KDM4C: variants seen among roughly 807,000 people sequenced by gnomAD.
KDM4C encodes the protein lysine-specific demethylase 4C.
Under a neutral mutation model 129.3 loss-of-function variants are expected in KDM4C, and 81 were observed. The observed-to-expected ratio is 0.63, with a 90% CI of 0.52 to 0.75. KDM4C has a LOEUF of 0.75. KDM4C is among the 30% of genes least tolerant of loss of function. The probability of loss-of-function intolerance (pLI) is 0.00; values close to 1 mark genes in which losing one functional copy is unlikely to be tolerated. For synonymous variants in KDM4C, 573 were observed against 456.1 expected, an observed-to-expected ratio of 1.26 and a Z score of -3.26; for missense variants, 1,457 against 1,304.0, an observed-to-expected ratio of 1.12 and a Z score of -1.81.
chr9:7,063,071 A>T (rs756219865), intron 17 of KDM4C, among the ~76,000 whole-genome samples: 2 of 152,206 alleles, frequency 1.3e-5, no homozygotes, highest in Non-Finnish European at 2.9e-5. Context: ...TATGGATATA[A>T]ATAATTATGG....
intron 12 of KDM4C, among the ~76,000 whole-genome samples, chr9:7,001,530 C>A (rs1320766395): frequency 2.0e-5 from 3 of 152,134 alleles, no homozygotes; most frequent in Admixed American, 1.3e-4. Context: ...AGATGTATAG[C>A]CTTGTTCTCT....
chr9:7,001,993 A>G (rs918436206), intron 12 of KDM4C, among the ~76,000 whole-genome samples: 1 of 152,166 alleles, frequency 6.6e-6, no homozygotes, highest in Non-Finnish European at 1.5e-5. Flanking sequence ...CCTGGGTTCA[A>G]GTGATTCTCC....
intron 8 of KDM4C, among the ~76,000 whole-genome samples, chr9:6,967,741 C>T (rs1831252900): frequency 6.6e-6 from 1 of 152,150 alleles, no homozygotes; most frequent in Admixed American, 6.5e-5. Flanking sequence ...GCCCTATTAT[C>T]CTCGAGTTCA....
intron 5 of KDM4C, among the ~76,000 whole-genome samples, chr9:6,874,693 G>T (rs940480833): frequency 1.3e-5 from 2 of 152,150 alleles, no homozygotes; most frequent in African/African-American, 4.8e-5. Flanking sequence ...AGCACATGTT[G>T]TCTGTCACAG....
intron 8 of KDM4C, among the ~76,000 whole-genome samples, chr9:6,949,077 C>A (rs1482792324): frequency 6.6e-6 from 1 of 151,712 alleles, no homozygotes. Flanking sequence ...AGGCGCCCCC[C>A]ATCTCCCGGA....
Position 7,012,003 on chromosome 9 carries a change from G to C in KDM4C, c.1968+124G>C. On this transcript the variant is annotated intron_variant, in intron 13 of 21. Coordinates refer to ENST00000381309, the MANE Select transcript of KDM4C (RefSeq NM_015061.6). ...ATAAGAAGGAAGACGTCCTTAGGTA[G>C]CTGATGGCTTTCATAGAACCACAAA... 9.9e-6 allele frequency: 7 copies of C among 707,602 alleles called. No homozygotes were observed. In the South Asian group the frequency reaches 1.4e-4, roughly 14 times the overall value. 43.8% of individuals were successfully genotyped at this position (707,602 alleles called of 1,614,324 possible).
chr9:7,039,517 A>T (rs1828203185), intron 15 of KDM4C, among the ~76,000 whole-genome samples: 1 of 152,068 alleles, frequency 6.6e-6, no homozygotes, highest in South Asian at 2.1e-4. Flanking sequence ...TGGAAGTCAG[A>T]GGTGCTGACC....
chr9:7,110,873 A>G (rs1026294730), intron 18 of KDM4C, among the ~76,000 whole-genome samples: 1 of 152,188 alleles, frequency 6.6e-6, no homozygotes, highest in African/African-American at 2.4e-5. Context: ...TATGGCAACT[A>G]TACTGCTTGC....
intron 5 of KDM4C, among the ~76,000 whole-genome samples, chr9:6,857,990 C>T (rs555073330): frequency 8.7e-4 from 126 of 145,460 alleles, no homozygotes; most frequent in Non-Finnish European, 1.3e-3. Context: ...CCTGGAACTC[C>T]TGAGCTAAGG....
At chr9:6,854,536 A>AAAC (rs1554720165) in intron 5 of KDM4C, among the ~76,000 whole-genome samples, 2 of 146,114 alleles carry the variant, frequency 1.4e-5, no homozygotes, top group Non-Finnish European at 3.0e-5. Context: ...AAAAAAAAAA[A>AAAC]AAAAAAAAAC....
chr9:6,902,241 A>G (rs754017575), intron 8 of KDM4C, among the ~76,000 whole-genome samples: 1 of 152,222 alleles, frequency 6.6e-6, no homozygotes, highest in Non-Finnish European at 1.5e-5. Flanking sequence ...GTGAACACAT[A>G]TAGAATTGTG....
chr9:7,082,001 G>C (rs1834578413), intron 17 of KDM4C, among the ~76,000 whole-genome samples: 1 of 152,152 alleles, frequency 6.6e-6, no homozygotes, highest in African/African-American at 2.4e-5. Flanking sequence ...TAGATATCAG[G>C]TGTTTTCCAC....
chr9:7,114,710 GT>G (rs1838702214), intron 18 of KDM4C, among the ~76,000 whole-genome samples: 1 of 152,160 alleles, frequency 6.6e-6, no homozygotes, highest in African/African-American at 2.4e-5. Flanking sequence ...TCAGTGCTCT[GT>G]TTTATGCTTG....
intron 1 of KDM4C, among the ~76,000 whole-genome samples, chr9:6,733,892 A>G (rs1817435424): frequency 6.6e-6 from 1 of 152,144 alleles, no homozygotes; most frequent in Non-Finnish European, 1.5e-5. Flanking sequence ...GTAAACTGTC[A>G]TGGCGCTGCT....
At chr9:6,761,141 C>G (rs1460521363) in intron 1 of KDM4C, among the ~76,000 whole-genome samples, 4 of 151,792 alleles carry the variant, frequency 2.6e-5, no homozygotes, top group African/African-American at 7.3e-5. Flanking sequence ...AACCCAGTAG[C>G]TGGGATTACA....
chr9:6,762,359 A>G (rs886201179), intron 1 of KDM4C, among the ~76,000 whole-genome samples: 3 of 149,378 alleles, frequency 2.0e-5, no homozygotes, highest in African/African-American at 7.4e-5. Context: ...GTTTGTAGAG[A>G]TGGGGTCTCA....
At chr9:6,975,277 T>C (rs950228193) in intron 8 of KDM4C, among the ~76,000 whole-genome samples, 14 of 152,246 alleles carry the variant, frequency 9.2e-5, no homozygotes, top group Admixed American at 6.5e-5. Flanking sequence ...CACAGCATGA[T>C]ATCATGCATA....
intron 17 of KDM4C, among the ~76,000 whole-genome samples, chr9:7,073,596 A>T (rs890336972): frequency 3.9e-5 from 6 of 152,176 alleles, no homozygotes; most frequent in Non-Finnish European, 8.8e-5. Flanking sequence ...CAGTTCAGTT[A>T]TACTCCCTGT....
In KDM4C at chr9:7,103,701, G is replaced by T. The variant is rs766326520; in HGVS notation, c.2441G>T (p.Arg814Ile). Residue 814 changes from arginine (R) to isoleucine (I), a missense_variant, in exon 18 of 22, where the codon AGA becomes ATA. Coordinates refer to ENST00000381309, the MANE Select transcript of KDM4C (RefSeq NM_015061.6). ...ACCTTCCAGAAATGCATCTTCTGCA[G>T]ACACCGGGTTAAGAGGGTCTCTGGA... ...QRLKLKCIFC[R>I]HRVKRVSGAC... 11 of 1,612,848 alleles carry T rather than the reference G, an allele frequency of 6.8e-6. 1 individual carries two copies. Among genetic ancestry groups the T allele is most frequent in the Admixed American group, 6.7e-5 (4 of 59,966 alleles).
Sources: allele counts gnomAD v4.1 joint callset (sites outside exome capture counted in the v4.1 genomes callset), GRCh38; gene constraint gnomAD v4.1.1; transcripts MANE v1.5; gene names NCBI Gene and HGNC (gene_info 2026-07-23, HGNC 2026-07-21).